The following PCSK2 variants were observed in gnomAD, a reference collection of about 807,000 sequenced individuals.
PCSK2 encodes neuroendocrine convertase 2.
PCSK2 carries 14 observed loss-of-function variants against 69.7 expected under a neutral mutation model. The observed-to-expected ratio is 0.20, with a 90% CI of 0.13 to 0.31. The LOEUF is 0.31. Among genes scored for constraint, PCSK2 ranks in the 10% least tolerant of loss-of-function variants. The pLI, the probability that PCSK2 is intolerant of heterozygous loss-of-function variation, is 1.00. For missense variants in PCSK2, 544 were observed against 842.5 expected (o/e 0.65, Z 4.39); for synonymous variants, 307 against 320.7 (o/e 0.96, Z 0.46).
intron 11 of PCSK2, among the ~76,000 whole-genome samples, chr20:17,466,438 G>A (rs1252619404): frequency 6.6e-6 from 1 of 152,096 alleles, no homozygotes; most frequent in Non-Finnish European, 1.5e-5. Context: ...CTACCTGTGG[G>A]ACAATCTAAG....
intron 11 of PCSK2, among the ~76,000 whole-genome samples, chr20:17,473,078 A>G (rs1198295471): frequency 1.3e-5 from 2 of 150,372 alleles, no homozygotes; most frequent in Non-Finnish European, 2.9e-5. Context: ...AATAGGTCAA[A>G]GAAGAACTCT....
At chr20:17,304,193 G>A (rs922363652) in intron 2 of PCSK2, among the ~76,000 whole-genome samples, 4 of 152,060 alleles carry the variant, frequency 2.6e-5, no homozygotes, top group Admixed American at 6.5e-5. Context: ...TTAGCACAAA[G>A]TGAGCACTAA....
At chr20:17,316,331 T>C (rs947234615) in intron 2 of PCSK2, among the ~76,000 whole-genome samples, 1 of 152,388 alleles carries the variant, frequency 6.6e-6, no homozygotes, top group African/African-American at 2.4e-5. Flanking sequence ...ATCTAAGTCA[T>C]GCAAATGCTT....
chr20:17,320,406 A>G (rs577036017), intron 2 of PCSK2, among the ~76,000 whole-genome samples: 2 of 152,326 alleles, frequency 1.3e-5, no homozygotes, highest in East Asian at 3.9e-4. Context: ...TGCAGCAGAG[A>G]AGAGCTGAAT....
intron 6 of PCSK2, among the ~76,000 whole-genome samples, chr20:17,415,978 A>G (rs1338230105): frequency 6.6e-6 from 1 of 152,226 alleles, no homozygotes; most frequent in East Asian, 1.9e-4. Flanking sequence ...CCACATGTAG[A>G]AAGCTGAAAC....
chr20:17,469,296 C>T (rs532530610), intron 11 of PCSK2, among the ~76,000 whole-genome samples: 48 of 152,176 alleles, frequency 3.2e-4, no homozygotes, highest in Non-Finnish European at 6.2e-4. Flanking sequence ...TGCTTTCATA[C>T]ACGTAAGCTT....
chr20:17,317,329 T>C (rs1033180680), intron 2 of PCSK2, among the ~76,000 whole-genome samples: 3 of 152,266 alleles, frequency 2.0e-5, no homozygotes, highest in Non-Finnish European at 4.4e-5. Context: ...AACATCTTTG[T>C]GAATTCTGCA....
At chr20:17,432,450 T>C (rs902248470) in intron 7 of PCSK2, among the ~76,000 whole-genome samples, 1 of 152,234 alleles carries the variant, frequency 6.6e-6, no homozygotes, top group Admixed American at 6.5e-5. Flanking sequence ...TATTTACATT[T>C]CCATTTTCAC....
intron 2 of PCSK2, among the ~76,000 whole-genome samples, chr20:17,295,852 G>A (rs988463789): frequency 6.6e-6 from 1 of 152,066 alleles, no homozygotes; most frequent in African/African-American, 2.4e-5. Context: ...CACCGTGTCT[G>A]GCCTCTCACT....
chr20:17,351,436 T>C (rs1000765306), intron 2 of PCSK2, among the ~76,000 whole-genome samples: 6 of 152,184 alleles, frequency 3.9e-5, no homozygotes, highest in Non-Finnish European at 8.8e-5. Flanking sequence ...TGAACATAGA[T>C]GTAAAAATTC....
At chr20:17,315,045 A>G (rs1016807144) in intron 2 of PCSK2, among the ~76,000 whole-genome samples, 1 of 152,208 alleles carries the variant, frequency 6.6e-6, no homozygotes, top group Admixed American at 6.5e-5. Context: ...CAGGGCCATA[A>G]GCACTTAGCC....
intron 2 of PCSK2, among the ~76,000 whole-genome samples, chr20:17,335,216 A>G (rs1409994543): frequency 1.3e-5 from 2 of 152,124 alleles, no homozygotes; most frequent in African/African-American, 2.4e-5. Context: ...TGAAGACTCA[A>G]CAGGGCTGGA....
chr20:17,420,283 G>A (rs911887976), intron 6 of PCSK2, among the ~76,000 whole-genome samples: 2 of 152,192 alleles, frequency 1.3e-5, no homozygotes, highest in Non-Finnish European at 2.9e-5. Context: ...TTTGGGAGTA[G>A]ATGAACATCT....
chr20:17,348,688 C>T (rs1221545879), intron 2 of PCSK2, among the ~76,000 whole-genome samples: 1 of 152,232 alleles, frequency 6.6e-6, no homozygotes, highest in Non-Finnish European at 1.5e-5. Flanking sequence ...GAGGGAAGGA[C>T]CTGTTCCAGG....
Position 17,375,475 on chromosome 20 carries a change from A to C in PCSK2, c.543+6198A>C, listed in dbSNP as rs892845197. 2.0e-5 allele frequency among the ~76,000 whole-genome samples: 3 copies of C among 152,194 alleles called. No individual in the cohort carries two copies. In the East Asian group the frequency reaches 5.8e-4, roughly 29 times the overall value. The stretch of plus-strand genomic sequence containing the variant: ...TGAAGGATGCCCCCGAGGAAGCGGC[A>C]TTTCTGACCTGCATCTTCTTCCCTG... On this transcript the variant is annotated intron_variant, in intron 5 of 11. Transcript: ENST00000262545.
At chr20:17,262,335 C>T (rs927481651) in intron 2 of PCSK2, among the ~76,000 whole-genome samples, 1 of 152,030 alleles carries the variant, frequency 6.6e-6, no homozygotes, top group African/African-American at 2.4e-5. Flanking sequence ...AGCAGAAAAA[C>T]TAAAGAAGAC....
intron 11 of PCSK2, among the ~76,000 whole-genome samples, chr20:17,472,108 T>C (rs996491406): frequency 1.4e-4 from 21 of 152,126 alleles, no homozygotes; most frequent in Non-Finnish European, 2.9e-4. Flanking sequence ...GTGTGTAGAA[T>C]GAGCAGAGCC....
At chr20:17,354,181 C>A (rs1038816369) in intron 2 of PCSK2, among the ~76,000 whole-genome samples, 1 of 152,126 alleles carries the variant, frequency 6.6e-6, no homozygotes, top group African/African-American at 2.4e-5. Context: ...AAAAGATATT[C>A]TCATAGAAAT....
At chr20:17,305,723 A>T (rs1989304726) in intron 2 of PCSK2, among the ~76,000 whole-genome samples, 1 of 152,228 alleles carries the variant, frequency 6.6e-6, no homozygotes, top group Non-Finnish European at 1.5e-5. Context: ...TATTTTCCTT[A>T]TGTATTTTTT....
Sources: allele counts gnomAD v4.1 joint callset (sites outside exome capture counted in the v4.1 genomes callset), GRCh38; gene constraint gnomAD v4.1.1; transcripts MANE v1.5; gene names NCBI Gene and HGNC (gene_info 2026-07-23, HGNC 2026-07-21).